XPO4: variants seen among roughly 807,000 people sequenced by gnomAD.
XPO4 encodes exportin-4.
A neutral mutation model predicts 143.0 loss-of-function variants in XPO4; 39 were observed. The observed-to-expected ratio is 0.27, with a 90% CI of 0.21 to 0.36. The LOEUF (loss-of-function observed/expected upper bound fraction) is 0.36, where lower values mean the gene tolerates loss of function less well. Among genes scored for constraint, XPO4 ranks in the 10% least tolerant of loss-of-function variants. The probability of loss-of-function intolerance (pLI) is 1.00; values close to 1 mark genes in which losing one functional copy is unlikely to be tolerated. For missense variants in XPO4, 907 were observed against 1,348.0 expected (o/e 0.67, Z 5.12); for synonymous variants, 439 against 474.0 (o/e 0.93, Z 0.96).
intron 18 of XPO4, among the ~76,000 whole-genome samples, chr13:20,791,980 A>G (rs1351211185): frequency 6.6e-6 from 1 of 152,160 alleles, no homozygotes; most frequent in Non-Finnish European, 1.5e-5. Flanking sequence ...ATTCTACCCA[A>G]GGAACCCCAG....
chr13:20,876,264 GAAAAAAA>G lies in XPO4; in HGVS notation c.70-7570_70-7564del, dbSNP rs35708026. Among the ~76,000 whole-genome samples the G allele has an allele frequency of 5.5e-3, 453 of 81,908 alleles. 4 individuals carry two copies. Among genetic ancestry groups the G allele is most frequent in the African/African-American group, 0.02 (434 of 21,496 alleles). 53.7% of individuals were successfully genotyped at this position (81,908 alleles called of 152,430 possible). On this transcript the variant is annotated intron_variant, in intron 1 of 22. Coordinates refer to ENST00000255305, the MANE Select transcript of XPO4 (RefSeq NM_022459.5). ...ACAATGAAAGCAAAACTCCATCTCG[GAAAAAAA>G]AAAAAAAAAAAAAGAATAAGAAGGG...
intron 3 of XPO4, chr13:20,856,818 A>G: frequency 1.2e-5 from 11 of 953,030 alleles, no homozygotes; most frequent in Non-Finnish European, 1.1e-5. Flanking sequence ...AGGCCTCTGA[A>G]CTTCTATTCC....
chr13:20,785,976 GAGGAAGGAAGGAAGGAAGGA>G (rs57331137), intron 22 of XPO4, among the ~76,000 whole-genome samples: 2 of 141,938 alleles, frequency 1.4e-5, no homozygotes, highest in South Asian at 2.3e-4. Flanking sequence ...AAGAAAAAGA[GAGGAAGGAAGGAAGGAAGGA>G]AGGAAGGAAG....
chr13:20,843,163 C>T (rs1157071440), intron 5 of XPO4, 115 bp from the exon 6 acceptor site: 1 of 1,061,650 alleles, frequency 9.4e-7, no homozygotes, highest in Admixed American at 2.8e-5. Context: ...AACACCATTT[C>T]CTTAAGAACG....
chr13:20,785,927 A>C (rs1173948878), intron 22 of XPO4, among the ~76,000 whole-genome samples: 1 of 150,724 alleles, frequency 6.6e-6, no homozygotes, highest in Non-Finnish European at 1.5e-5. Flanking sequence ...GGAAGAAAGG[A>C]AAGAAAAGAA....
chr13:20,812,241 G>A (rs1475115057), intron 9 of XPO4, among the ~76,000 whole-genome samples: 1 of 152,054 alleles, frequency 6.6e-6, no homozygotes, highest in Non-Finnish European at 1.5e-5. Flanking sequence ...CATGGTGGCA[G>A]GAGCCTGTAA....
Position 20,822,285 on chromosome 13 carries a change from T to C in XPO4, c.845A>G (p.His282Arg), listed in dbSNP as rs1566585100. 6.2e-7 allele frequency: 1 copy of C among 1,611,896 alleles called. No homozygotes were observed. The highest frequency in any genetic ancestry group is 8.5e-7 in the Non-Finnish European group (1 of 1,178,934). The change falls in exon 8 of 23, where the codon CAT becomes CGT. Residue 282 changes from histidine (H) to arginine (R), a missense_variant. Transcript: ENST00000255305. ...SRVMELFFTV[H>R]RKIREDSDMA... Reference sequence around the variant, plus strand: ...ATCTGAATCTTCTCTGATTTTTCGATGTACCTGTTAGAAAGAATTACTAAT... The same window carrying C: ...ATCTGAATCTTCTCTGATTTTTCGACGTACCTGTTAGAAAGAATTACTAAT...
At chr13:20,846,277 C>T (rs1380595742) in intron 4 of XPO4, among the ~76,000 whole-genome samples, 1 of 152,120 alleles carries the variant, frequency 6.6e-6, no homozygotes, top group South Asian at 2.1e-4. Flanking sequence ...CTCACAAAAG[C>T]TTTACTTTTT....
At position 20,781,653 on chromosome 13, in the gene XPO4, T is replaced by C. The variant is rs916042897; in HGVS notation, c.*2069A>G. 4.6e-5 allele frequency: 7 copies of C among 152,286 alleles called. No homozygotes were observed. The highest frequency in any genetic ancestry group is 1.7e-4 in the African/African-American group (7 of 41,458). 9.4% of individuals were successfully genotyped at this position (152,286 alleles called of 1,614,324 possible). A position where few individuals can be genotyped will look rare whatever the true frequency, so the allele number is the denominator to read the frequency against. On this transcript the variant is annotated 3_prime_UTR_variant, in exon 23 of 23. Coordinates refer to ENST00000255305, the MANE Select transcript of XPO4 (RefSeq NM_022459.5). ...GCCTTTTTACTTACCAAGGCATTCC[T>C]TTCCCACTCCTCTTTAGTTTTAATA...
Position 20,842,769 on chromosome 13 carries a change from C to T in XPO4, c.727+126G>A, listed in dbSNP as rs372247352. ...ATTATAAAGAAATTAAATTCTATTT[C>T]TTAAAAAAAATCTTATTTTCTTTCA... is the stretch of plus-strand genomic sequence containing the variant. On this transcript the variant is annotated intron_variant, in intron 6 of 22. Transcript: ENST00000255305. 4.6e-6 allele frequency: 4 copies of T among 876,298 alleles called. No individual in the cohort carries two copies. In the African/African-American group the frequency reaches 6.8e-5, roughly 15 times the overall value. The allele number at this position is 876,298 out of a possible 1,614,324, so 54.3% of individuals were successfully genotyped here. A position where few individuals can be genotyped will look rare whatever the true frequency, so the allele number is the denominator to read the frequency against.
At chr13:20,871,186 G>A (rs1157361530) in intron 1 of XPO4, among the ~76,000 whole-genome samples, 2 of 151,590 alleles carry the variant, frequency 1.3e-5, no homozygotes, top group Non-Finnish European at 2.9e-5. Context: ...TTATTGCTTT[G>A]TTTTGTTTTC....
At position 20,781,289 on chromosome 13, in the gene XPO4, TAAAAC is replaced by T. The variant is rs769605431; in HGVS notation, c.*2428_*2432del. The T allele has an allele frequency of 4.6e-5, 7 of 152,240 alleles. No individual in the cohort carries two copies. Among genetic ancestry groups the T allele is most frequent in the Admixed American group, 6.6e-5 (1 of 15,252 alleles). The allele number at this position is 152,240 out of a possible 1,614,324, so 9.4% of individuals were successfully genotyped here. On this transcript the variant is annotated 3_prime_UTR_variant, in exon 23 of 23. Coordinates refer to ENST00000255305, the MANE Select transcript of XPO4 (RefSeq NM_022459.5). ...CAGCTAAAGACAAAATTGGACAAAATAAAACAAAAGAAAACACAAAGTGAATAAGC... is the reference window on the plus strand; with the variant it reads ...CAGCTAAAGACAAAATTGGACAAAATAAAAGAAAACACAAAGTGAATAAGC...
chr13:20,902,041 T>C (rs2060624812), intron 1 of XPO4: 1 of 977,708 alleles, frequency 1.0e-6, no homozygotes, highest in African/African-American at 1.7e-5. Context: ...ATAGACTCAG[T>C]TCTCCAAATC....
intron 4 of XPO4, among the ~76,000 whole-genome samples, chr13:20,853,390 C>T (rs994863767): frequency 2.0e-5 from 3 of 150,464 alleles, no homozygotes; most frequent in East Asian, 3.9e-4. Flanking sequence ...GTACCTTAAT[C>T]CCAGCTACTC....
intron 9 of XPO4, among the ~76,000 whole-genome samples, chr13:20,820,887 C>A (rs2049431278): frequency 6.6e-6 from 1 of 152,298 alleles, no homozygotes; most frequent in East Asian, 1.9e-4. Context: ...AACAAAATAT[C>A]TACATTCTTT....
intron 6 of XPO4, among the ~76,000 whole-genome samples, chr13:20,827,750 A>C (rs997260746): frequency 1.3e-5 from 2 of 152,252 alleles, no homozygotes; most frequent in Non-Finnish European, 1.5e-5. Context: ...TAATCTATTG[A>C]CAAAAAACTT....
intron 1 of XPO4, among the ~76,000 whole-genome samples, chr13:20,885,174 T>C (rs1457454662): frequency 6.6e-6 from 1 of 152,160 alleles, no homozygotes; most frequent in Non-Finnish European, 1.5e-5. Context: ...GGTCTCGAAC[T>C]CCCAACCTCA....
At chr13:20,785,971 AAAGAGAGG>A (rs2059199657) in intron 22 of XPO4, among the ~76,000 whole-genome samples, 1 of 107,000 alleles carries the variant, frequency 9.3e-6, no homozygotes, top group Non-Finnish European at 1.9e-5. Context: ...AAGAAAAGAA[AAAGAGAGG>A]AAGGAAGGAA....
At chr13:20,880,431 T>A (rs1460929963) in intron 1 of XPO4, among the ~76,000 whole-genome samples, 1 of 147,292 alleles carries the variant, frequency 6.8e-6, no homozygotes, top group African/African-American at 2.5e-5. Flanking sequence ...AGACTCCGTC[T>A]CAAAAAAAAA....
Sources: gnomAD v4.1 joint callset for allele counts (sites outside exome capture counted in the v4.1 genomes callset) on GRCh38, gnomAD v4.1.1 for gene constraint, MANE v1.5 for transcripts, NCBI Gene and HGNC (gene_info 2026-07-23, HGNC 2026-07-21) for gene names.